The following AGPAT5 variants were observed in gnomAD, a reference collection of about 807,000 sequenced individuals.
The protein encoded by AGPAT5 is 1-acyl-sn-glycerol-3-phosphate acyltransferase epsilon.
In AGPAT5, 46 loss-of-function variants were observed where a neutral mutation model predicts 45.6. That is an observed-to-expected ratio of 1.01 (90% CI 0.80 to 1.29). The LOEUF (loss-of-function observed/expected upper bound fraction) is 1.29. Ranked by LOEUF, AGPAT5 falls within the 50% of genes most tolerant of loss-of-function variation. The probability of loss-of-function intolerance (pLI) is 0.00; values close to 1 mark genes in which losing one functional copy is unlikely to be tolerated. For missense variants in AGPAT5, 673 were observed against 450.7 expected (o/e 1.49, Z -4.47); for synonymous variants, 272 against 167.0 (o/e 1.63, Z -4.85).
chr8:6,741,584 G>A (rs983390431), intron 4 of AGPAT5, 77 bp from the exon 5 acceptor site: 10 of 981,358 alleles, frequency 1.0e-5, no homozygotes, highest in Non-Finnish European at 1.2e-5. Context: ...AGCATTAGTA[G>A]GTTTAGCTTT....
intron 6 of AGPAT5, among the ~76,000 whole-genome samples, chr8:6,754,292 T>C (rs1563308873): frequency 6.6e-6 from 1 of 152,190 alleles, no homozygotes; most frequent in Non-Finnish European, 1.5e-5. Flanking sequence ...TCTTAGAAAC[T>C]ACAGTTGTTT....
chr8:6,753,439 A>G (rs1171214253), intron 6 of AGPAT5, among the ~76,000 whole-genome samples: 4 of 152,198 alleles, frequency 2.6e-5, no homozygotes, highest in Non-Finnish European at 5.9e-5. Flanking sequence ...CTGTCTTTTT[A>G]TGTGTCAGAA....
chr8:6,709,020 T>G (rs1800042089), intron 1 of AGPAT5, 133 bp downstream of exon 1: 4 of 833,294 alleles, frequency 4.8e-6, no homozygotes. Context: ...ACGTGCCGCC[T>G]CCCCGCCTTC....
intron 6 of AGPAT5, among the ~76,000 whole-genome samples, chr8:6,750,718 G>A (rs929113185): frequency 8.8e-5 from 6 of 67,960 alleles, no homozygotes; most frequent in African/African-American, 3.7e-4. Context: ...AAACTACAGG[G>A]GATACCTTTT....
At chr8:6,716,724 A>G (rs763878247) in intron 1 of AGPAT5, among the ~76,000 whole-genome samples, 17 of 151,938 alleles carry the variant, frequency 1.1e-4, no homozygotes, top group Non-Finnish European at 1.9e-4. Flanking sequence ...TCTCAGCTAC[A>G]TGGGAGGCTG....
intron 4 of AGPAT5, among the ~76,000 whole-genome samples, chr8:6,736,394 T>C (rs143166206): frequency 6.6e-6 from 1 of 152,222 alleles, no homozygotes; most frequent in African/African-American, 2.4e-5. Flanking sequence ...GCTGTGTGGT[T>C]TTTGTCAAAT....
At chr8:6,713,281 T>A (rs1425337532) in intron 1 of AGPAT5, among the ~76,000 whole-genome samples, 1 of 152,172 alleles carries the variant, frequency 6.6e-6, no homozygotes, top group Non-Finnish European at 1.5e-5. Flanking sequence ...CTAATAAATA[T>A]TCTAATTACC....
intron 4 of AGPAT5, among the ~76,000 whole-genome samples, chr8:6,734,046 C>G (rs908826445): frequency 6.6e-6 from 1 of 152,166 alleles, no homozygotes; most frequent in African/African-American, 2.4e-5. Flanking sequence ...GTTTAAGTAT[C>G]ATATATCTGA....
In AGPAT5 at chr8:6,759,333, G is replaced by A. The variant is rs1218066929; in HGVS notation, c.*1945G>A. On this transcript the variant is annotated 3_prime_UTR_variant, in exon 8 of 8. Coordinates refer to ENST00000285518, the MANE Select transcript of AGPAT5 (RefSeq NM_018361.5). ...CTGCATAAGATCACTTGAATGTTAG[G>A]TTTCATAGAACTATACTAATCTTCT... is the stretch of plus-strand genomic sequence containing the variant. 1 of 152,052 alleles carries A rather than the reference G, an allele frequency of 6.6e-6. No homozygotes were observed. The highest frequency in any genetic ancestry group is 1.5e-5 in the Non-Finnish European group (1 of 68,008). The allele number at this position is 152,052 out of a possible 1,614,324, so 9.4% of individuals were successfully genotyped here.
chr8:6,713,444 G>C (rs1049077983), intron 1 of AGPAT5, among the ~76,000 whole-genome samples: 1 of 152,178 alleles, frequency 6.6e-6, no homozygotes, highest in Non-Finnish European at 1.5e-5. Context: ...AAAATAAACA[G>C]GTTTTCAGTT....
chr8:6,750,551 A>G (rs2936507), intron 6 of AGPAT5, among the ~76,000 whole-genome samples: 117,833 of 152,200 alleles, frequency 0.77, 46,682 homozygotes, highest in African/African-American at 0.94. Context: ...GAAATTATTT[A>G]CAACCTAGAT....
At chr8:6,755,582 G>A (rs1298081924) in intron 7 of AGPAT5, among the ~76,000 whole-genome samples, 7 of 152,184 alleles carry the variant, frequency 4.6e-5, no homozygotes, top group East Asian at 1.9e-4. Flanking sequence ...AGGACTATGC[G>A]GACGTGCAGG....
Position 6,747,770 on chromosome 8 carries a change from G to T in AGPAT5, c.687G>T (p.Thr229=), listed in dbSNP as rs187682492. 1 of 1,614,160 alleles carries T rather than the reference G, an allele frequency of 6.2e-7. No homozygotes were observed. Among genetic ancestry groups the T allele is most frequent in the African/African-American group, 1.3e-5 (1 of 75,032 alleles). ...ATTTAGATGCAATTTATGATGTTAC[G>T]GTGGTTTATGAAGGGAAAGACGATG... ...KNYLDAIYDV[T]VVYEGKDDGG... The change falls in exon 6 of 8, where the codon ACG becomes ACT. Residue 229 remains threonine (T), a synonymous_variant. Transcript: ENST00000285518.
chr8:6,746,539 T>A (rs2116942515), intron 5 of AGPAT5, among the ~76,000 whole-genome samples: 1 of 152,328 alleles, frequency 6.6e-6, no homozygotes, highest in African/African-American at 2.4e-5. Flanking sequence ...AAGGAAGTGT[T>A]AACTAGTTTA....
In AGPAT5 at chr8:6,708,834, T is replaced by A. The variant is rs1445901299; in HGVS notation, c.166T>A (p.Cys56Ser). The change falls in exon 1 of 8, where the codon TGC (cysteine) becomes AGC (serine). Residue 56 changes from cysteine (C) to serine (S), a missense_variant. Cys to Ser is a moderately radical substitution (Grantham distance 112, BLOSUM62 -1). Transcript: ENST00000285518. ...CCAAGCGCTGGACGACCGGCTCTACTGCGTCTACCAGAGCATGGTGCTCTT... is the reference window on the plus strand; with the variant it reads ...CCAAGCGCTGGACGACCGGCTCTACAGCGTCTACCAGAGCATGGTGCTCTT... ...FYQALDDRLY[C>S]VYQSMVLFFF... The A allele has an allele frequency of 1.2e-6, 2 of 1,611,734 alleles. No homozygotes were observed. The highest frequency in any genetic ancestry group is 1.3e-5 in the African/African-American group (1 of 75,004).
intron 1 of AGPAT5, 115 bp downstream of exon 1, chr8:6,709,002 C>G (rs1486318616): frequency 2.0e-6 from 2 of 991,984 alleles, no homozygotes; most frequent in African/African-American, 1.6e-5. Flanking sequence ...GGACCCAGCA[C>G]GGAGAGCACG....
At chr8:6,748,903 A>T (rs965222472) in intron 6 of AGPAT5, among the ~76,000 whole-genome samples, 1 of 152,212 alleles carries the variant, frequency 6.6e-6, no homozygotes, top group Non-Finnish European at 1.5e-5. Context: ...GGAAACCCTC[A>T]CCTGAAGCAT....
chr8:6,732,575 T>C lies in AGPAT5; in HGVS notation c.420T>C (p.Tyr140=). The C allele has an allele frequency of 1.2e-6, 2 of 1,608,040 alleles. No individual in the cohort carries two copies. The highest frequency in any genetic ancestry group is 1.7e-6 in the Non-Finnish European group (2 of 1,178,454). The stretch of plus-strand genomic sequence containing the variant: ...GATTGTGGCAGCATGGAGGAATCTA[T>C]GTAAAGCGCAGTGCCAAATTTAACG... ...GCYFAQHGGI[Y]VKRSAKFNEK... The change falls in exon 4 of 8, where the codon TAT becomes TAC. Residue 140 remains tyrosine, a synonymous_variant. Transcript: ENST00000285518.
In AGPAT5 at chr8:6,719,014, T is replaced by C. The variant is rs564011049; in HGVS notation, c.220-5856T>C. Among the ~76,000 whole-genome samples the C allele has an allele frequency of 2.6e-5, 4 of 152,352 alleles. No homozygotes were observed. The South Asian group carries it at 6.2e-4, about 24-fold the overall frequency. On this transcript the variant is annotated intron_variant, in intron 1 of 7. Transcript: ENST00000285518. Reference sequence around the variant, plus strand: ...AGGAATTCTGATTTATAACAGGCTATGAATGAGTACCTTTCCATGGTCGAA... The same window carrying C: ...AGGAATTCTGATTTATAACAGGCTACGAATGAGTACCTTTCCATGGTCGAA...
Sources: gnomAD v4.1 joint callset for allele counts (sites outside exome capture counted in the v4.1 genomes callset) on GRCh38, gnomAD v4.1.1 for gene constraint, MANE v1.5 for transcripts, NCBI Gene and HGNC (gene_info 2026-07-23, HGNC 2026-07-21) for gene names.